CHSY3: variants seen among roughly 807,000 people sequenced by gnomAD.
CHSY3 encodes the protein N-acetylgalactosaminyl-proteoglycan 3-beta-glucuronosyltransferase 3.
Under a neutral mutation model 67.2 loss-of-function variants are expected in CHSY3, and 35 were observed. That is an observed-to-expected ratio of 0.52 (90% CI 0.40 to 0.69). CHSY3 has a LOEUF of 0.69. CHSY3 is among the 30% of genes least tolerant of loss of function. The pLI is 0.00. For missense variants in CHSY3, 1,069 were observed against 1,138.5 expected (o/e 0.94, Z 0.88); for synonymous variants, 474 against 434.7 (o/e 1.09, Z -1.12).
intron 2 of CHSY3, chr5:130,140,912 A>AT: frequency 1.3e-6 from 1 of 740,922 alleles, no homozygotes; most frequent in Non-Finnish European, 1.7e-6. Flanking sequence ...CAATACCTCC[A>AT]TTTTCCATGC....
chr5:129,947,492 G>A (rs557722777), intron 2 of CHSY3, among the ~76,000 whole-genome samples: 1 of 151,900 alleles, frequency 6.6e-6, no homozygotes, highest in African/African-American at 2.4e-5. Flanking sequence ...GTTTGGTGGC[G>A]CATACCTCTA....
At chr5:130,096,737 G>C (rs1767061349) in intron 2 of CHSY3, among the ~76,000 whole-genome samples, 1 of 151,986 alleles carries the variant, frequency 6.6e-6, no homozygotes, top group Non-Finnish European at 1.5e-5. Flanking sequence ...ACCACCACCT[G>C]CAGTTGAAAG....
chr5:130,098,056 A>G (rs1284876076), intron 2 of CHSY3, among the ~76,000 whole-genome samples: 2 of 152,076 alleles, frequency 1.3e-5, no homozygotes, highest in Non-Finnish European at 2.9e-5. Flanking sequence ...CCGTGTATCC[A>G]TTACTCAGTT....
intron 2 of CHSY3, among the ~76,000 whole-genome samples, chr5:130,086,166 G>T (rs987157943): frequency 1.3e-5 from 2 of 152,018 alleles, no homozygotes; most frequent in African/African-American, 4.8e-5. Flanking sequence ...GAGTATCCTT[G>T]TTAACTTTCT....
chr5:130,093,144 T>C (rs1293545604), intron 2 of CHSY3, among the ~76,000 whole-genome samples: 1 of 152,192 alleles, frequency 6.6e-6, no homozygotes, highest in Non-Finnish European at 1.5e-5. Flanking sequence ...ATCTAAACAA[T>C]TCCATTGAAT....
intron 2 of CHSY3, among the ~76,000 whole-genome samples, chr5:130,101,177 T>G (rs1767231008): frequency 6.6e-6 from 1 of 152,252 alleles, no homozygotes; most frequent in African/African-American, 2.4e-5. Context: ...TACAAAATCT[T>G]GATAAACCAT....
At chr5:130,124,359 T>G (rs1768185797) in intron 2 of CHSY3, among the ~76,000 whole-genome samples, 1 of 137,140 alleles carries the variant, frequency 7.3e-6, no homozygotes, top group Non-Finnish European at 1.5e-5. Context: ...CAACAGTAGT[T>G]ATTTTCATAA....
At chr5:129,999,748 A>G (rs1439158700) in intron 2 of CHSY3, among the ~76,000 whole-genome samples, 1 of 152,150 alleles carries the variant, frequency 6.6e-6, no homozygotes, top group Non-Finnish European at 1.5e-5. Flanking sequence ...TTACTTACTT[A>G]GAAGAATTTG....
intron 2 of CHSY3, among the ~76,000 whole-genome samples, chr5:130,054,947 G>A (rs1040012347): frequency 2.0e-5 from 3 of 152,074 alleles, no homozygotes; most frequent in Admixed American, 6.6e-5. Flanking sequence ...GCAGGGCTAG[G>A]TGGGGTCTGA....
chr5:130,060,151 A>G (rs960001817), intron 2 of CHSY3, among the ~76,000 whole-genome samples: 3 of 152,182 alleles, frequency 2.0e-5, no homozygotes, highest in African/African-American at 7.2e-5. Context: ...CTGATAACAC[A>G]GATGCAAATC....
chr5:129,960,372 G>T lies in CHSY3; in HGVS notation c.1086+52012G>T, dbSNP rs533607835. Among the ~76,000 whole-genome samples, 265 of 152,110 alleles carry T rather than the reference G, an allele frequency of 1.7e-3. 2 individuals are homozygous for T. The highest frequency in any genetic ancestry group is 6.2e-3 in the African/African-American group (257 of 41,526). ...TTTATTTCCTGATACTCTTTAAAAT[G>T]GTCATTGAGGTTGGGATTTTGTCAC... On this transcript the variant is annotated intron_variant, in intron 2 of 2. Coordinates refer to ENST00000305031, the MANE Select transcript of CHSY3 (RefSeq NM_175856.5).
In CHSY3 at chr5:130,185,996, G is replaced by C. The variant is rs1206898632; in HGVS notation, c.*205G>C. The C allele has an allele frequency of 6.3e-6, 2 of 318,026 alleles. No individual in the cohort carries two copies. Among genetic ancestry groups the C allele is most frequent in the African/African-American group, 2.1e-5 (1 of 46,750 alleles). 19.7% of individuals were successfully genotyped at this position (318,026 alleles called of 1,614,324 possible). A position where few individuals can be genotyped will look rare whatever the true frequency, so the allele number is the denominator to read the frequency against. ...GAGTCTGCAGTTCACTGATGTTTCA[G>C]ATTTCTACTGAAGTCAATATGTTAT... On this transcript the variant is annotated 3_prime_UTR_variant, in exon 3 of 3. Coordinates refer to ENST00000305031, the MANE Select transcript of CHSY3 (RefSeq NM_175856.5).
chr5:130,002,074 G>A (rs1348051963), intron 2 of CHSY3: 1 of 936,542 alleles, frequency 1.1e-6, no homozygotes, highest in African/African-American at 1.8e-5. Context: ...ATGAAATTCT[G>A]TTGCCTATAA....
At position 130,185,458 on chromosome 5, in the gene CHSY3, T is replaced by C. The variant is rs1204115693; in HGVS notation, c.2316T>C (p.Thr772=). The change falls in exon 3 of 3, where the codon ACT becomes ACC. Residue 772 remains threonine, a synonymous_variant. Transcript: ENST00000305031. Reference sequence around the variant, plus strand: ...ATTACTTCATATTCTCAAAAAAGACTGGATTTTGGAGAGACTATGGATATG... The same window carrying C: ...ATTACTTCATATTCTCAAAAAAGACCGGATTTTGGAGAGACTATGGATATG... ...TDDYFIFSKK[T]GFWRDYGYGI... The C allele has an allele frequency of 3.7e-6, 6 of 1,613,910 alleles. No homozygotes were observed. Among genetic ancestry groups the C allele is most frequent in the Non-Finnish European group, 5.1e-6 (6 of 1,179,916 alleles).
chr5:130,056,359 C>G (rs181408217), intron 2 of CHSY3, among the ~76,000 whole-genome samples: 1 of 151,126 alleles, frequency 6.6e-6, no homozygotes, highest in East Asian at 1.9e-4. Flanking sequence ...GTTAACATTC[C>G]ATTTATTGTG....
At position 129,972,976 on chromosome 5, in the gene CHSY3, A is replaced by G. The variant is rs1762688181; in HGVS notation, c.1086+64616A>G. Among the ~76,000 whole-genome samples the G allele has an allele frequency of 2.0e-5, 3 of 151,920 alleles. No homozygotes were observed. In the South Asian group the frequency reaches 6.2e-4, roughly 32 times the overall value. On this transcript the variant is annotated intron_variant, in intron 2 of 2. Coordinates refer to ENST00000305031, the MANE Select transcript of CHSY3 (RefSeq NM_175856.5). Reference sequence around the variant, plus strand: ...AGCCCACAGATAGAGTCTTGTGATGAGTCAATCATGCTTTTTCATGGTGAG... The same window carrying G: ...AGCCCACAGATAGAGTCTTGTGATGGGTCAATCATGCTTTTTCATGGTGAG...
chr5:130,085,231 A>T (rs929198166), intron 2 of CHSY3, among the ~76,000 whole-genome samples: 1 of 152,062 alleles, frequency 6.6e-6, no homozygotes. Context: ...TTATTTGTCA[A>T]TAAAAACTAA....
At chr5:130,016,688 C>T (rs904284898) in intron 2 of CHSY3, among the ~76,000 whole-genome samples, 2 of 152,154 alleles carry the variant, frequency 1.3e-5, no homozygotes, top group Non-Finnish European at 2.9e-5. Context: ...GGATCACAGG[C>T]GTGAGCCACC....
intron 2 of CHSY3, among the ~76,000 whole-genome samples, chr5:130,182,370 A>T (rs1770274322): frequency 6.6e-6 from 1 of 151,770 alleles, no homozygotes; most frequent in Admixed American, 6.6e-5. Flanking sequence ...TATTTGTATA[A>T]GTTTATTATA....
Sources: gnomAD v4.1 joint callset for allele counts (sites outside exome capture counted in the v4.1 genomes callset) on GRCh38, gnomAD v4.1.1 for gene constraint, MANE v1.5 for transcripts, NCBI Gene and HGNC (gene_info 2026-07-23, HGNC 2026-07-21) for gene names.